Variants in MBTPS1 observed in about 807,000 individuals in gnomAD.
MBTPS1 encodes the protein membrane bound transcription factor peptidase, site 1.
MBTPS1 carries 94 observed loss-of-function variants against 127.8 expected under a neutral mutation model. The observed-to-expected ratio is 0.74, with a 90% CI of 0.62 to 0.87. MBTPS1 has a LOEUF of 0.87. Among genes scored for constraint, MBTPS1 ranks in the 40% least tolerant of loss-of-function variants. The pLI is 0.00. For missense variants in MBTPS1, 1,636 were observed against 1,353.2 expected (o/e 1.21, Z -3.28); for synonymous variants, 632 against 509.4 (o/e 1.24, Z -3.24).
At chr16:84,077,249 A>AGAG (rs57906119) in intron 11 of MBTPS1, among the ~76,000 whole-genome samples, 2,830 of 138,766 alleles carry the variant, frequency 0.02, 34 homozygotes, top group Non-Finnish European at 0.025. Flanking sequence ...AAAAAAAAAA[A>AGAG]AGAGAGAGAG....
chr16:84,097,837 C>CGTGTGTATGTGTGTGT (rs377529384), intron 3 of MBTPS1, among the ~76,000 whole-genome samples: 77 of 143,132 alleles, frequency 5.4e-4, no homozygotes, highest in African/African-American at 1.8e-3. Flanking sequence ...AACTTCTCTT[C>CGTGTGTATGTGTGTGT]GTGTGTGTGT....
intron 1 of MBTPS1, among the ~76,000 whole-genome samples, chr16:84,106,069 T>C (rs2086319567): frequency 6.6e-6 from 1 of 151,896 alleles, no homozygotes; most frequent in South Asian, 2.1e-4. Flanking sequence ...CCAAGGCGGG[T>C]GGATCACCTG....
intron 21 of MBTPS1, chr16:84,057,950 G>A (rs1465837866): frequency 1.3e-5 from 2 of 152,168 alleles, no homozygotes; most frequent in Non-Finnish European, 2.9e-5. Context: ...TTGGGTTTCT[G>A]GAAATTCAGC....
At chr16:84,064,682 T>C (rs2085656417) in intron 18 of MBTPS1, among the ~76,000 whole-genome samples, 1 of 152,206 alleles carries the variant, frequency 6.6e-6, no homozygotes, top group South Asian at 2.1e-4. Flanking sequence ...TGATACTGTC[T>C]ATGAGAAATG....
intron 19 of MBTPS1, among the ~76,000 whole-genome samples, chr16:84,061,935 T>G (rs979066151): frequency 6.6e-6 from 1 of 152,164 alleles, no homozygotes; most frequent in South Asian, 2.1e-4. Context: ...TCTGGTCAAG[T>G]GCTTAATGCC....
At chr16:84,087,482 A>G in intron 8 of MBTPS1, 22 bp from the exon 9 acceptor site, 3 of 1,423,356 alleles carry the variant, frequency 2.1e-6, no homozygotes, top group South Asian at 2.5e-5. Context: ...CCAAAAAAAA[A>G]AAAAAAGAAA....
intron 10 of MBTPS1, 109 bp downstream of exon 10, chr16:84,084,874 G>C (rs1444871015): frequency 8.4e-7 from 1 of 1,193,134 alleles, no homozygotes; most frequent in Non-Finnish European, 1.2e-6. Flanking sequence ...AAGGGCCTAA[G>C]CTCTCAAACC....
At chr16:84,058,451 G>A (rs1477698790) in intron 21 of MBTPS1, among the ~76,000 whole-genome samples, 1 of 152,220 alleles carries the variant, frequency 6.6e-6, no homozygotes, top group African/African-American at 2.4e-5. Flanking sequence ...GGCGGCCAGG[G>A]GGCCTCGGAG....
intron 1 of MBTPS1, among the ~76,000 whole-genome samples, chr16:84,105,967 A>G (rs1462169483): frequency 6.6e-6 from 1 of 152,204 alleles, no homozygotes; most frequent in African/African-American, 2.4e-5. Flanking sequence ...TAAAACATAC[A>G]GTATTTAGCT....
Position 84,099,150 on chromosome 16 carries a change from T to C in MBTPS1, c.324A>G (p.Glu108=), listed in dbSNP as rs2086219726. The C allele has an allele frequency of 1.9e-6, 3 of 1,614,090 alleles. No individual in the cohort carries two copies. Among genetic ancestry groups the C allele is most frequent in the East Asian group, 2.2e-5 (1 of 44,892 alleles). The change falls in exon 3 of 23, where the codon GAA becomes GAG. Residue 108 remains glutamate, a synonymous_variant. Transcript: ENST00000343411. ...GTGTTAGCAGCCCCGCTTTCTGTTTTTCTTTTATCTGAATCACCTCAAAAT... is the reference window on the plus strand; with the variant it reads ...GTGTTAGCAGCCCCGCTTTCTGTTTCTCTTTTATCTGAATCACCTCAAAAT... The part of the protein sequence containing the change: ...PSDFEVIQIK[E]KQKAGLLTLE...
At chr16:84,099,614 T>C (rs769348582) in intron 2 of MBTPS1, among the ~76,000 whole-genome samples, 1 of 151,664 alleles carries the variant, frequency 6.6e-6, no homozygotes, top group Non-Finnish European at 1.5e-5. Context: ...TGAAACCCCA[T>C]CTCTACTAAA....
intron 19 of MBTPS1, among the ~76,000 whole-genome samples, chr16:84,061,869 A>G (rs1021009269): frequency 6.6e-6 from 1 of 152,152 alleles, no homozygotes; most frequent in Non-Finnish European, 1.5e-5. Context: ...CCTGGACTAG[A>G]CAAGATCCGT....
intron 19 of MBTPS1, 138 bp from the exon 20 acceptor site, chr16:84,060,951 AG>A: frequency 1.4e-6 from 1 of 737,306 alleles, no homozygotes; most frequent in East Asian, 2.9e-5. Flanking sequence ...CTCCTGCCTC[AG>A]CCTCCCAAGT....
chr16:84,068,159 T>C (rs1250090514), intron 15 of MBTPS1, among the ~76,000 whole-genome samples, 180 bp downstream of exon 15: 1 of 152,258 alleles, frequency 6.6e-6, no homozygotes, highest in Non-Finnish European at 1.5e-5. Context: ...GTATTTCAGC[T>C]GAATGTCACA....
chr16:84,099,576 G>C, intron 2 of MBTPS1, among the ~76,000 whole-genome samples: 1 of 152,030 alleles, frequency 6.6e-6, no homozygotes, highest in Non-Finnish European at 1.5e-5. Context: ...ACGAGGTGAG[G>C]AGTTTGAGAC....
intron 9 of MBTPS1, among the ~76,000 whole-genome samples, chr16:84,087,091 A>G (rs767865590): frequency 1.7e-4 from 26 of 152,094 alleles, no homozygotes; most frequent in Admixed American, 3.3e-4. Context: ...AAATCAATTA[A>G]TAAGTTAAAC....
chr16:84,069,427 T>TCAA (rs2085738013), intron 14 of MBTPS1, among the ~76,000 whole-genome samples: 1 of 112,192 alleles, frequency 8.9e-6, no homozygotes, highest in Non-Finnish European at 2.1e-5. Flanking sequence ...AGAATTTGTT[T>TCAA]TAAGATTACC....
At position 84,093,781 on chromosome 16, in the gene MBTPS1, G is replaced by A. The variant is rs138899247; in HGVS notation, c.666C>T (p.Ser222=). 65 of 1,613,884 alleles carry A rather than the reference G, an allele frequency of 4.0e-5. No individual in the cohort carries two copies. The African/African-American group carries it at 7.2e-4, about 18-fold the overall frequency. ...VRVAVFDTGL[S]EKHPHFKNVK... ...CATTTTTGAAGTGGGGATGCTTCTC[G>A]CTCAGCCCAGTGTCAAAAACAGCAA... Residue 222 remains serine (S), a synonymous_variant, in exon 5 of 23, where the codon AGC becomes AGT. Transcript: ENST00000343411.
At chr16:84,106,129 T>C (rs990975551) in intron 1 of MBTPS1, among the ~76,000 whole-genome samples, 2 of 152,062 alleles carry the variant, frequency 1.3e-5, no homozygotes, top group Non-Finnish European at 2.9e-5. Context: ...ACCCCACCTC[T>C]ACTAAAAACA....
Sources: allele counts gnomAD v4.1 joint callset (sites outside exome capture counted in the v4.1 genomes callset), GRCh38; gene constraint gnomAD v4.1.1; transcripts MANE v1.5; gene names NCBI Gene and HGNC (gene_info 2026-07-23, HGNC 2026-07-21).